The following HSPBAP1 variants were observed in gnomAD, a reference collection of about 807,000 sequenced individuals.
HSPBAP1 encodes HSPB1-associated protein 1.
In HSPBAP1, 27 loss-of-function variants were observed where a neutral mutation model predicts 45.2. The ratio of observed to expected loss-of-function variants is 0.60; its 90% CI spans 0.44 to 0.82. HSPBAP1 has a LOEUF of 0.82. Among genes scored for constraint, HSPBAP1 ranks in the 40% least tolerant of loss-of-function variants. HSPBAP1 has a pLI of 0.00. For synonymous variants in HSPBAP1, 204 were observed against 202.7 expected, an observed-to-expected ratio of 1.01 and a Z score of -0.06; for missense variants, 510 against 590.9, an observed-to-expected ratio of 0.86 and a Z score of 1.42.
intron 3 of HSPBAP1, 22 bp from the exon 4 acceptor site, chr3:122,759,382 A>C (rs1052963675): frequency 6.2e-6 from 10 of 1,609,334 alleles, no homozygotes; most frequent in Non-Finnish European, 6.8e-6. Context: ...TAAAGTTGCA[A>C]TCCATCAAGA....
chr3:122,784,605 G>A (rs774106745), intron 1 of HSPBAP1, among the ~76,000 whole-genome samples: 2 of 152,196 alleles, frequency 1.3e-5, no homozygotes, highest in Non-Finnish European at 1.5e-5. Context: ...ATAGCCAAGC[G>A]ATAAGTATGA....
intron 6 of HSPBAP1, among the ~76,000 whole-genome samples, chr3:122,747,795 C>T (rs1381049640): frequency 5.3e-5 from 8 of 149,670 alleles, no homozygotes; most frequent in African/African-American, 1.2e-4. Context: ...CCGCCCCGTC[C>T]GGGAGGTGAG....
At chr3:122,770,311 T>C (rs1432851316) in intron 2 of HSPBAP1, among the ~76,000 whole-genome samples, 1 of 152,226 alleles carries the variant, frequency 6.6e-6, no homozygotes, top group Non-Finnish European at 1.5e-5. Flanking sequence ...AAGATTAAAA[T>C]GTACATATTC....
intron 1 of HSPBAP1, 60 bp downstream of exon 1, chr3:122,793,557 C>T: frequency 9.3e-6 from 14 of 1,512,040 alleles, no homozygotes; most frequent in Non-Finnish European, 1.3e-5. Flanking sequence ...ACGAGGGGTG[C>T]CACGAGAGTC....
intron 3 of HSPBAP1, chr3:122,762,064 C>G (rs1934611524): frequency 6.6e-6 from 1 of 152,096 alleles, no homozygotes; most frequent in Non-Finnish European, 1.5e-5. Context: ...TAAAAATCAT[C>G]TATTCTCAGC....
intron 1 of HSPBAP1, 110 bp downstream of exon 1, chr3:122,793,507 G>T (rs1935901393): frequency 1.1e-5 from 9 of 854,992 alleles, no homozygotes; most frequent in Non-Finnish European, 1.8e-5. Flanking sequence ...TCTAATGCAA[G>T]GCCAGAGAGA....
chr3:122,774,685 G>C (rs187022791), intron 2 of HSPBAP1, among the ~76,000 whole-genome samples: 1 of 152,202 alleles, frequency 6.6e-6, no homozygotes, highest in Non-Finnish European at 1.5e-5. Flanking sequence ...ATGAGGCCAC[G>C]CAACTATGGA....
rs142412329 is a variant in HSPBAP1, at chr3:122,751,762, A to G, written c.825+829T>C. Among the ~76,000 whole-genome samples the G allele has an allele frequency of 6.8e-3, 1,030 of 152,330 alleles. 48 individuals carry two copies. Among genetic ancestry groups the G allele is most frequent in the Admixed American group, 0.062 (951 of 15,294 alleles). On this transcript the variant is annotated intron_variant, in intron 6 of 7. Coordinates refer to ENST00000306103, the MANE Select transcript of HSPBAP1 (RefSeq NM_024610.6). Reference sequence around the variant, plus strand: ...TCTGTGACGCTACTGATCTCCTGCCATACCTCTCACTTAAGCCTCAAGGGC... The same window carrying G: ...TCTGTGACGCTACTGATCTCCTGCCGTACCTCTCACTTAAGCCTCAAGGGC...
At position 122,760,004 on chromosome 3, in the gene HSPBAP1, T is replaced by C. The variant is rs968571767; in HGVS notation, c.433-644A>G. On this transcript the variant is annotated intron_variant, in intron 3 of 7. Coordinates refer to ENST00000306103, the MANE Select transcript of HSPBAP1 (RefSeq NM_024610.6). ...TCAGATGAGGGTGTCAAAATACATC[T>C]TTTGAAATATACATCCATGGATGGC... 2.0e-5 allele frequency among the ~76,000 whole-genome samples: 3 copies of C among 152,194 alleles called. No individual in the cohort carries two copies. In the South Asian group the frequency reaches 6.2e-4, roughly 32 times the overall value.
rs758446418 is a variant in HSPBAP1, at chr3:122,740,622, T to C, written c.1190A>G (p.Gln397Arg). Reference protein sequence around the residue: ...PFGPDLVPVAQRSEEPPSERG... With the variant: ...PFGPDLVPVARRSEEPPSERG... Reference sequence around the variant, plus strand: ...TTCTGAAGGCGGTTCTTCGGACCTCTGTGCTACAGGGACCAGATCAGGGCC... The same window carrying C: ...TTCTGAAGGCGGTTCTTCGGACCTCCGTGCTACAGGGACCAGATCAGGGCC... Residue 397 changes from glutamine (Q) to arginine (R), a missense_variant, in exon 8 of 8, where the codon CAG (glutamine) becomes CGG (arginine). By Grantham distance (43) the Gln-to-Arg change is conservative (BLOSUM62 1). Transcript: ENST00000306103. The C allele has an allele frequency of 3.1e-6, 5 of 1,614,216 alleles. No individual in the cohort carries two copies. The highest frequency in any genetic ancestry group is 4.2e-6 in the Non-Finnish European group (5 of 1,180,042).
chr3:122,778,820 G>A (rs1935289446), intron 1 of HSPBAP1, among the ~76,000 whole-genome samples: 1 of 152,094 alleles, frequency 6.6e-6, no homozygotes, highest in South Asian at 2.1e-4. Flanking sequence ...GTGAGCCACT[G>A]CACCCGGCCC....
chr3:122,747,529 G>A (rs1933932398), intron 6 of HSPBAP1, among the ~76,000 whole-genome samples: 1 of 150,652 alleles, frequency 6.6e-6, no homozygotes, highest in Admixed American at 6.6e-5. Flanking sequence ...CCGTCTCGGA[G>A]GGAGGTGGGG....
intron 1 of HSPBAP1, among the ~76,000 whole-genome samples, chr3:122,787,444 A>G (rs1388337127): frequency 6.6e-6 from 1 of 152,206 alleles, no homozygotes. Flanking sequence ...GACACTCCGA[A>G]TATTAACAGA....
In HSPBAP1 at chr3:122,779,037, T is replaced by TC. The variant is rs1393912405; in HGVS notation, c.65-1132_65-1131insG. 3.2e-3 allele frequency among the ~76,000 whole-genome samples: 478 copies of TC among 148,798 alleles called. 1 individual carries two copies. Among genetic ancestry groups the TC allele is most frequent in the African/African-American group, 0.011 (462 of 40,538 alleles). ...TGTGATAGATTTCATTTTCTTTCTTTTTCTTTTTTTTTTGTGAGACAGAGT... is the reference window on the plus strand; with the variant it reads ...TGTGATAGATTTCATTTTCTTTCTTTCTTCTTTTTTTTTTGTGAGACAGAGT... On this transcript the variant is annotated intron_variant, in intron 1 of 7. Coordinates refer to ENST00000306103, the MANE Select transcript of HSPBAP1 (RefSeq NM_024610.6).
At chr3:122,787,301 T>C (rs930825108) in intron 1 of HSPBAP1, among the ~76,000 whole-genome samples, 3 of 152,198 alleles carry the variant, frequency 2.0e-5, no homozygotes, top group Non-Finnish European at 2.9e-5. Flanking sequence ...TAATGTAAAG[T>C]ACAAGATAAT....
intron 1 of HSPBAP1, among the ~76,000 whole-genome samples, chr3:122,784,534 T>C (rs568057515): frequency 1.3e-5 from 2 of 152,246 alleles, no homozygotes; most frequent in East Asian, 3.9e-4. Context: ...TCTAGAAATA[T>C]GTAGAGATAT....
intron 5 of HSPBAP1, chr3:122,753,092 A>G: frequency 1.7e-6 from 1 of 604,606 alleles, no homozygotes; most frequent in Non-Finnish European, 2.1e-6. Context: ...GATAAAGTAT[A>G]GAAAGGTGGC....
Position 122,777,801 on chromosome 3 carries a change from T to C in HSPBAP1, c.170A>G (p.His57Arg). ...CTGCGAAAGGTATTTAGCATTCCAGTGTCGTGCTGGCCAATCAAACACCAT... is the reference window on the plus strand; with the variant it reads ...CTGCGAAAGGTATTTAGCATTCCAGCGTCGTGCTGGCCAATCAAACACCAT... ...CNMVFDWPARHWNAKYLSQVL... is the reference protein window; with the variant it reads ...CNMVFDWPARRWNAKYLSQVL... The change falls in exon 2 of 8, where the codon CAC becomes CGC. Residue 57 changes from histidine to arginine, a missense_variant. Physicochemically the swap from His to Arg is conservative, Grantham distance 29. Coordinates refer to ENST00000306103, the MANE Select transcript of HSPBAP1 (RefSeq NM_024610.6). The C allele has an allele frequency of 6.2e-7, 1 of 1,614,056 alleles. No homozygotes were observed. The highest frequency in any genetic ancestry group is 8.5e-7 in the Non-Finnish European group (1 of 1,179,924).
At chr3:122,767,276 C>T (rs542961959) in intron 3 of HSPBAP1, among the ~76,000 whole-genome samples, 15 of 152,312 alleles carry the variant, frequency 9.8e-5, no homozygotes, top group East Asian at 9.6e-4. Context: ...CAGTGGCTCA[C>T]GCCTGTAATC....
Sources: gnomAD v4.1 joint callset for allele counts (sites outside exome capture counted in the v4.1 genomes callset) on GRCh38, gnomAD v4.1.1 for gene constraint, MANE v1.5 for transcripts, NCBI Gene and HGNC (gene_info 2026-07-23, HGNC 2026-07-21) for gene names.